ODR4: variants seen among roughly 807,000 people sequenced by gnomAD.
The protein encoded by ODR4 is odr-4 GPCR localization factor homolog, also known as protein odr-4 homolog.
In ODR4, 47 loss-of-function variants were observed where a neutral mutation model predicts 60.2. That is an observed-to-expected ratio of 0.78 (90% CI 0.62 to 1.00). The LOEUF (loss-of-function observed/expected upper bound fraction) is 1.00. Among genes scored for constraint, ODR4 ranks in the 50% least tolerant of loss-of-function variants. The pLI is 0.00. For missense variants in ODR4, 488 were observed against 530.8 expected (o/e 0.92, Z 0.79); for synonymous variants, 178 against 175.5 (o/e 1.01, Z -0.11).
intron 3 of ODR4, among the ~76,000 whole-genome samples, chr1:186,383,972 G>A (rs1352443585): frequency 3.3e-5 from 5 of 152,304 alleles, no homozygotes; most frequent in Admixed American, 2.6e-4. Flanking sequence ...CTGGGAGGCG[G>A]AGGTTGCAAT....
intron 9 of ODR4, among the ~76,000 whole-genome samples, chr1:186,395,493 CAGTA>C (rs1660637546): frequency 6.6e-6 from 1 of 152,132 alleles, no homozygotes; most frequent in African/African-American, 2.4e-5. Context: ...AGTAAGTAGT[CAGTA>C]AGTATTTATT....
intron 11 of ODR4, 112 bp from the exon 12 acceptor site, chr1:186,405,971 T>C (rs1301808315): frequency 1.4e-5 from 11 of 763,270 alleles, no homozygotes; most frequent in South Asian, 1.2e-4. Context: ...TGAAAAAATA[T>C]TGACCTTTTA....
intron 6 of ODR4, among the ~76,000 whole-genome samples, chr1:186,390,136 G>A (rs1660407160): frequency 6.6e-6 from 1 of 151,992 alleles, no homozygotes; most frequent in Non-Finnish European, 1.5e-5. Flanking sequence ...AAATATCTTT[G>A]TTAATCTCCT....
Position 186,406,279 on chromosome 1 carries a change from G to A in ODR4, c.1186+11G>A. On this transcript the variant is annotated intron_variant, in intron 12 of 13. Transcript: ENST00000287859. ...AGGAAACAAACACAGGTCATTATATGATGCTATTTAAGAACCTGGTTAGAT... is the reference window on the plus strand; with the variant it reads ...AGGAAACAAACACAGGTCATTATATAATGCTATTTAAGAACCTGGTTAGAT... The A allele has an allele frequency of 6.4e-7, 1 of 1,562,486 alleles. No individual in the cohort carries two copies. Among genetic ancestry groups the A allele is most frequent in the Non-Finnish European group, 8.7e-7 (1 of 1,154,420 alleles).
In ODR4 at chr1:186,419,213, C is replaced by A; in HGVS notation, c.*137C>A. 1 of 768,976 alleles carries A rather than the reference C, an allele frequency of 1.3e-6. No homozygotes were observed. 47.6% of individuals were successfully genotyped at this position (768,976 alleles called of 1,614,324 possible). A position where few individuals can be genotyped will look rare whatever the true frequency, so the allele number is the denominator to read the frequency against. On this transcript the variant is annotated 3_prime_UTR_variant, in exon 14 of 14. Transcript: ENST00000287859. Reference sequence around the variant, plus strand: ...GCCATGATGCCTATTTGGTGTGTTTCTGATTAAAATGAAATCACAAGCTGC... The same window carrying A: ...GCCATGATGCCTATTTGGTGTGTTTATGATTAAAATGAAATCACAAGCTGC...
At chr1:186,421,879 A>AAATG (rs59883604), downstream of ODR4, among the ~76,000 whole-genome samples, 198 of 135,114 alleles carry the variant, frequency 1.5e-3, no homozygotes, top group African/African-American at 5.1e-3. Context: ...AAAAAAAAAA[A>AAATG]ATGATGAATC....
chr1:186,427,353 C>T, the ODR4 span, among the ~76,000 whole-genome samples: 2 of 152,186 alleles, frequency 1.3e-5, no homozygotes, highest in Non-Finnish European at 2.9e-5. Context: ...CAACAGTGTT[C>T]ACAGCATCTT....
At chr1:186,401,582 C>G (rs1262228857) in intron 11 of ODR4, 1 of 155,410 alleles carries the variant, frequency 6.4e-6, no homozygotes, top group East Asian at 2.0e-4. Context: ...CTCATCCCTT[C>G]CCTCCCCTTC....
intron 12 of ODR4, among the ~76,000 whole-genome samples, chr1:186,414,383 C>G (rs989777096): frequency 2.6e-5 from 4 of 151,918 alleles, no homozygotes; most frequent in African/African-American, 9.7e-5. Flanking sequence ...ACAACTAAAA[C>G]AATTTTGTTT....
chr1:186,401,031 C>T, intron 11 of ODR4: 1 of 1,586,310 alleles, frequency 6.3e-7, no homozygotes, highest in Non-Finnish European at 8.6e-7. Flanking sequence ...TTGCAGGTTT[C>T]AGGATTTGCA....
Position 186,420,282 on chromosome 1 carries a change from G to A in ODR4, c.*1206G>A, listed in dbSNP as rs185080818. The A allele has an allele frequency of 2.0e-5, 3 of 152,250 alleles. No homozygotes were observed. The highest frequency in any genetic ancestry group is 6.5e-5 in the Admixed American group (1 of 15,290). The allele number at this position is 152,250 out of a possible 1,614,324, so 9.4% of individuals were successfully genotyped here. On this transcript the variant is annotated 3_prime_UTR_variant, in exon 14 of 14. Coordinates refer to ENST00000287859, the MANE Select transcript of ODR4 (RefSeq NM_017847.6). Reference sequence around the variant, plus strand: ...CTCAAATCAGAAACAAGAAGACATCGGAATCTGAGATGCTGCCCTAGAGAG... The same window carrying A: ...CTCAAATCAGAAACAAGAAGACATCAGAATCTGAGATGCTGCCCTAGAGAG...
At chr1:186,421,879 A>AAAAAAAG (rs59883604), downstream of ODR4, among the ~76,000 whole-genome samples, 45 of 135,134 alleles carry the variant, frequency 3.3e-4, 3 homozygotes, top group Admixed American at 4.7e-4. Flanking sequence ...AAAAAAAAAA[A>AAAAAAAG]ATGATGAATC....
chr1:186,410,340 T>C (rs1390096334), intron 12 of ODR4, among the ~76,000 whole-genome samples: 1 of 152,228 alleles, frequency 6.6e-6, no homozygotes, highest in Non-Finnish European at 1.5e-5. Context: ...ATTTAAGACA[T>C]GAAATTATGT....
intron 12 of ODR4, among the ~76,000 whole-genome samples, chr1:186,415,525 C>T (rs192731444): frequency 2.6e-5 from 4 of 152,218 alleles, no homozygotes; most frequent in Admixed American, 2.6e-4. Flanking sequence ...ATCTAGTTCC[C>T]TGGAGTTCTA....
chr1:186,417,362 C>T (rs750746759), intron 12 of ODR4, 182 bp from the exon 13 acceptor site: 8 of 548,276 alleles, frequency 1.5e-5, no homozygotes, highest in African/African-American at 7.8e-5. Flanking sequence ...GTTAATTTGA[C>T]GTATATTCTA....
Position 186,401,619 on chromosome 1 carries a change from A to G in ODR4, c.1000+2575A>G, listed in dbSNP as rs191194713. On this transcript the variant is annotated intron_variant, in intron 11 of 13. Coordinates refer to ENST00000287859, the MANE Select transcript of ODR4 (RefSeq NM_017847.6). ...CTCCCTTCCTCCCTCTCTTTCTATGATCACATAGTTTTTGACATTCTTTTG... is the reference window on the plus strand; with the variant it reads ...CTCCCTTCCTCCCTCTCTTTCTATGGTCACATAGTTTTTGACATTCTTTTG... 8.5e-4 allele frequency among the ~76,000 whole-genome samples: 106 copies of G among 124,814 alleles called. 1 individual carries two copies. In the Middle Eastern group the frequency reaches 0.011, roughly 13 times the overall value. The allele number at this position is 124,814 out of a possible 152,430, so 81.9% of individuals were successfully genotyped here.
chr1:186,379,803 T>A lies in ODR4; in HGVS notation c.18T>A (p.Ile6=). Reference sequence around the variant, plus strand: ...TCCTAAAAATGGGAAGAACCTACATTGTAGAAGAGACTGTTGGCCAGTATC... The same window carrying A: ...TCCTAAAAATGGGAAGAACCTACATAGTAGAAGAGACTGTTGGCCAGTATC... MGRTY[I]VEETVGQYLS... The change falls in exon 2 of 14, where the codon ATT becomes ATA. Residue 6 remains isoleucine, a synonymous_variant. Transcript: ENST00000287859. The A allele has an allele frequency of 6.3e-7, 1 of 1,598,888 alleles. No homozygotes were observed. The highest frequency in any genetic ancestry group is 8.5e-7 in the Non-Finnish European group (1 of 1,175,208).
At chr1:186,383,205 G>A (rs1235880254) in intron 3 of ODR4, 49 bp downstream of exon 3, 1 of 1,517,740 alleles carries the variant, frequency 6.6e-7, no homozygotes, top group South Asian at 1.3e-5. Flanking sequence ...TCAAAAAAGA[G>A]CTAGAATCAA....
chr1:186,401,576 TCCCTTCCCTC>T (rs2102062221), intron 11 of ODR4: 1 of 160,054 alleles, frequency 6.2e-6, no homozygotes, highest in South Asian at 1.7e-4. Context: ...TCCCATCTCA[TCCCTTCCCTC>T]CCCTTCCCTC....
Sources: allele counts gnomAD v4.1 joint callset (sites outside exome capture counted in the v4.1 genomes callset), GRCh38; gene constraint gnomAD v4.1.1; transcripts MANE v1.5; gene names NCBI Gene and HGNC (gene_info 2026-07-23, HGNC 2026-07-21).